TAOK3: variants seen among roughly 807,000 people sequenced by gnomAD.
TAOK3 encodes serine/threonine-protein kinase TAO3.
Under a neutral mutation model 120.4 loss-of-function variants are expected in TAOK3, and 40 were observed. That is an observed-to-expected ratio of 0.33 (90% CI 0.26 to 0.43). The LOEUF is 0.43. Ranked by LOEUF, TAOK3 falls within the 20% of genes least tolerant of loss-of-function variation. The probability of loss-of-function intolerance (pLI) is 1.00; values close to 1 mark genes in which losing one functional copy is unlikely to be tolerated. For missense variants in TAOK3, 821 were observed against 1,112.1 expected, an observed-to-expected ratio of 0.74 and a Z score of 3.72; for synonymous variants, 355 against 387.5, an observed-to-expected ratio of 0.92 and a Z score of 0.99.
intron 1 of TAOK3, among the ~76,000 whole-genome samples, chr12:118,325,753 C>A (rs2043910815): frequency 6.6e-6 from 1 of 152,122 alleles, no homozygotes; most frequent in Non-Finnish European, 1.5e-5. Context: ...GATCTCGGCT[C>A]ACTGCAACGT....
chr12:118,308,441 G>C (rs895500495), intron 1 of TAOK3, among the ~76,000 whole-genome samples: 3 of 151,962 alleles, frequency 2.0e-5, no homozygotes, highest in Non-Finnish European at 4.4e-5. Context: ...TTTGTATAAA[G>C]TACTTTCACA....
chr12:118,165,520 C>T (rs751745723), intron 17 of TAOK3, among the ~76,000 whole-genome samples: 8 of 152,210 alleles, frequency 5.3e-5, no homozygotes, highest in Non-Finnish European at 1.0e-4. Flanking sequence ...TCCGAATTAC[C>T]TGTGTTATAA....
At chr12:118,234,595 T>C (rs2039944923) in intron 8 of TAOK3, among the ~76,000 whole-genome samples, 1 of 152,052 alleles carries the variant, frequency 6.6e-6, no homozygotes, top group Non-Finnish European at 1.5e-5. Flanking sequence ...CAGGTTGGGG[T>C]GCAGTGGCGC....
intron 5 of TAOK3, among the ~76,000 whole-genome samples, chr12:118,240,318 T>A (rs1196123175): frequency 1.3e-5 from 2 of 151,878 alleles, no homozygotes; most frequent in African/African-American, 4.8e-5. Context: ...TAGCTGGGAT[T>A]ACAGGCATGC....
chr12:118,327,882 A>C (rs2043994941), intron 1 of TAOK3, among the ~76,000 whole-genome samples: 1 of 152,164 alleles, frequency 6.6e-6, no homozygotes, highest in Non-Finnish European at 1.5e-5. Context: ...CTGACTATAA[A>C]GTTATAATCT....
intron 9 of TAOK3, among the ~76,000 whole-genome samples, chr12:118,231,934 G>T (rs1196074987): frequency 6.9e-6 from 1 of 144,442 alleles, no homozygotes; most frequent in Non-Finnish European, 1.5e-5. Flanking sequence ...AAAAAAAAAA[G>T]AAAAAAAGAA....
At chr12:118,155,680 TC>T (rs1366071821) in intron 19 of TAOK3, among the ~76,000 whole-genome samples, 1 of 152,154 alleles carries the variant, frequency 6.6e-6, no homozygotes, top group Non-Finnish European at 1.5e-5. Flanking sequence ...AGGGCATTTC[TC>T]TCCTTTTATT....
chr12:118,182,617 ATATATATTTTT>A (rs967412777), intron 14 of TAOK3, among the ~76,000 whole-genome samples: 1 of 89,758 alleles, frequency 1.1e-5, no homozygotes, highest in African/African-American at 5.0e-5. Context: ...ATATATATAT[ATATATATTTTT>A]TTTTTTTTTT....
chr12:118,344,190 G>A (rs2044753683), intron 1 of TAOK3, among the ~76,000 whole-genome samples: 2 of 148,682 alleles, frequency 1.3e-5, no homozygotes. Context: ...AATGTATTGA[G>A]TCCTTTATCT....
intron 9 of TAOK3, among the ~76,000 whole-genome samples, chr12:118,223,415 T>G (rs1330800291): frequency 6.7e-6 from 1 of 148,416 alleles, no homozygotes; most frequent in Non-Finnish European, 1.5e-5. Context: ...GGCGTGATCT[T>G]GGCTCGCTGC....
At chr12:118,317,913 G>A (rs762866549) in intron 1 of TAOK3, among the ~76,000 whole-genome samples, 1 of 151,982 alleles carries the variant, frequency 6.6e-6, no homozygotes, top group Non-Finnish European at 1.5e-5. Context: ...CTGGCCTAAG[G>A]ACAGACATAT....
intron 17 of TAOK3, among the ~76,000 whole-genome samples, chr12:118,164,994 G>C (rs1023540940): frequency 6.6e-6 from 1 of 152,050 alleles, no homozygotes; most frequent in African/African-American, 2.4e-5. Flanking sequence ...CACTGTTGTA[G>C]GAACTAGGGA....
intron 1 of TAOK3, among the ~76,000 whole-genome samples, chr12:118,300,290 G>C (rs2042830995): frequency 6.6e-6 from 1 of 152,180 alleles, no homozygotes; most frequent in African/African-American, 2.4e-5. Context: ...AAGATGGAAG[G>C]TGTAAAAGAA....
intron 17 of TAOK3, among the ~76,000 whole-genome samples, chr12:118,166,263 A>G (rs554107565): frequency 1.3e-5 from 2 of 152,228 alleles, no homozygotes; most frequent in East Asian, 1.9e-4. Flanking sequence ...ATGAGGCCAG[A>G]CGCGGTGGCT....
At chr12:118,207,759 G>A (rs369144307) in intron 11 of TAOK3, among the ~76,000 whole-genome samples, 1 of 151,902 alleles carries the variant, frequency 6.6e-6, no homozygotes, top group African/African-American at 2.4e-5. Context: ...GGAGGCTGGG[G>A]CAGGAGAATT....
intron 1 of TAOK3, among the ~76,000 whole-genome samples, chr12:118,342,957 A>AAG (rs1294248778): frequency 0.044 from 5,264 of 119,800 alleles, 246 homozygotes; most frequent in African/African-American, 0.11. Context: ...AAAAAAAAAA[A>AAG]AGAGAGAGAG....
chr12:118,354,710 G>A (rs568132541), intron 1 of TAOK3, among the ~76,000 whole-genome samples: 1 of 152,208 alleles, frequency 6.6e-6, no homozygotes, highest in East Asian at 1.9e-4. Context: ...AGATCTGATG[G>A]TTTTATCAGG....
intron 1 of TAOK3, among the ~76,000 whole-genome samples, chr12:118,304,071 A>G (rs1016616227): frequency 3.9e-5 from 6 of 152,210 alleles, no homozygotes; most frequent in Non-Finnish European, 8.8e-5. Flanking sequence ...GCACTGTTTC[A>G]GTGAAGTCAT....
chr12:118,179,706 G>A (rs1289571829), intron 15 of TAOK3, among the ~76,000 whole-genome samples: 4 of 148,198 alleles, frequency 2.7e-5, no homozygotes, highest in African/African-American at 5.0e-5. Flanking sequence ...ATGCAATGGC[G>A]TGACCTCGGC....
Sources: allele counts gnomAD v4.1 joint callset (sites outside exome capture counted in the v4.1 genomes callset), GRCh38; gene constraint gnomAD v4.1.1; transcripts MANE v1.5; gene names NCBI Gene and HGNC (gene_info 2026-07-23, HGNC 2026-07-21).